The following GRIA4 variants were observed in gnomAD, a reference collection of about 807,000 sequenced individuals.
The protein encoded by GRIA4 is glutamate receptor 4.
A neutral mutation model predicts 104.0 loss-of-function variants in GRIA4; 34 were observed. The observed-to-expected ratio is 0.33, with a 90% CI of 0.25 to 0.44. The LOEUF (loss-of-function observed/expected upper bound fraction) is 0.44, where lower values mean the gene tolerates loss of function less well. GRIA4 is among the 20% of genes least tolerant of loss of function. GRIA4 has a pLI of 1.00. For missense variants in GRIA4, 750 were observed against 1,096.5 expected (o/e 0.68, Z 4.46); for synonymous variants, 386 against 381.9 (o/e 1.01, Z -0.13).
At chr11:105,912,451 T>C (rs1318135076) in intron 10 of GRIA4, 1 of 962,120 alleles carries the variant, frequency 1.0e-6, no homozygotes, top group Non-Finnish European at 1.2e-6. Flanking sequence ...TTTGCAAGCA[T>C]GGCTAGTTTT....
intron 4 of GRIA4, among the ~76,000 whole-genome samples, chr11:105,846,336 A>G (rs957604783): frequency 6.6e-6 from 1 of 152,196 alleles, no homozygotes; most frequent in Admixed American, 6.5e-5. Flanking sequence ...GGAAGAAGTG[A>G]GGAGGAAGAG....
chr11:105,824,195 G>C (rs61900358), intron 4 of GRIA4, among the ~76,000 whole-genome samples: 25,890 of 151,986 alleles, frequency 0.17, 2,579 homozygotes, highest in African/African-American at 0.27. Flanking sequence ...TAGGCATATA[G>C]TTTTAAAAGT....
intron 3 of GRIA4, among the ~76,000 whole-genome samples, chr11:105,715,069 A>C (rs1203828554): frequency 2.6e-5 from 4 of 152,194 alleles, no homozygotes; most frequent in Non-Finnish European, 5.9e-5. Context: ...TGAAAAAAAC[A>C]GCGATTATAT....
At chr11:105,711,217 C>T (rs1591118774) in intron 3 of GRIA4, among the ~76,000 whole-genome samples, 2 of 151,822 alleles carry the variant, frequency 1.3e-5, no homozygotes, top group African/African-American at 4.8e-5. Context: ...AAAATTATTC[C>T]TGGTGTATGA....
chr11:105,651,483 AG>A (rs1489361040), intron 3 of GRIA4, among the ~76,000 whole-genome samples: 4 of 152,146 alleles, frequency 2.6e-5, no homozygotes, highest in African/African-American at 9.6e-5. Context: ...CATTTTTTAG[AG>A]AAAACTTTTC....
At chr11:105,903,085 G>A (rs1330469943) in intron 7 of GRIA4, among the ~76,000 whole-genome samples, 2 of 152,252 alleles carry the variant, frequency 1.3e-5, no homozygotes, top group South Asian at 4.2e-4. Flanking sequence ...TTCTCAAAGA[G>A]AAGCAGATGG....
chr11:105,637,706 C>G (rs1951244440), intron 3 of GRIA4, among the ~76,000 whole-genome samples: 1 of 152,046 alleles, frequency 6.6e-6, no homozygotes, highest in Non-Finnish European at 1.5e-5. Context: ...AATTTCCAAG[C>G]CAGGAGAATA....
chr11:105,652,770 G>T (rs1208976503), intron 3 of GRIA4, among the ~76,000 whole-genome samples: 1 of 152,094 alleles, frequency 6.6e-6, no homozygotes, highest in Non-Finnish European at 1.5e-5. Context: ...ACCTGCAGTG[G>T]ATGCCTACAG....
At chr11:105,860,232 G>T (rs770956831) in intron 4 of GRIA4, among the ~76,000 whole-genome samples, 1 of 151,996 alleles carries the variant, frequency 6.6e-6, no homozygotes, top group Non-Finnish European at 1.5e-5. Context: ...TTTCAAATAT[G>T]ATCTCATCAT....
intron 4 of GRIA4, among the ~76,000 whole-genome samples, chr11:105,777,782 CA>C (rs1941515829): frequency 6.6e-6 from 1 of 152,098 alleles, no homozygotes; most frequent in African/African-American, 2.4e-5. Context: ...AATAGATGCA[CA>C]ATAACAACCA....
chr11:105,724,086 C>T (rs1228170561), intron 3 of GRIA4, among the ~76,000 whole-genome samples: 1 of 151,908 alleles, frequency 6.6e-6, no homozygotes. Flanking sequence ...CATATGACGT[C>T]TATAGAGAAC....
chr11:105,846,925 T>C (rs1944618365), intron 4 of GRIA4, among the ~76,000 whole-genome samples: 1 of 152,224 alleles, frequency 6.6e-6, no homozygotes, highest in South Asian at 2.1e-4. Context: ...AACCCAATTC[T>C]GCAGGTGAGG....
At chr11:105,766,746 G>A (rs114980084) in intron 4 of GRIA4, among the ~76,000 whole-genome samples, 2,846 of 152,102 alleles carry the variant, frequency 0.019, 79 homozygotes, top group African/African-American at 0.064. Context: ...CTCATTCAGT[G>A]TAAAATCAAA....
intron 14 of GRIA4, among the ~76,000 whole-genome samples, chr11:105,951,558 G>C (rs537803669): frequency 3.2e-4 from 48 of 152,080 alleles, no homozygotes; most frequent in Admixed American, 9.8e-4. Flanking sequence ...AACACCCCAA[G>C]GCCACCACAA....
intron 3 of GRIA4, among the ~76,000 whole-genome samples, chr11:105,618,933 A>C (rs1272212): frequency 6.6e-6 from 1 of 152,014 alleles, no homozygotes; most frequent in Non-Finnish European, 1.5e-5. Flanking sequence ...CATAGAAGCC[A>C]AAAGATAGGG....
intron 4 of GRIA4, among the ~76,000 whole-genome samples, chr11:105,809,474 T>C (rs972610216): frequency 4.6e-5 from 7 of 152,188 alleles, no homozygotes; most frequent in South Asian, 2.1e-4. Flanking sequence ...CACTCAAATC[T>C]CATCTCGAAT....
intron 14 of GRIA4, among the ~76,000 whole-genome samples, chr11:105,959,516 G>A (rs1452526914): frequency 2.0e-5 from 3 of 152,082 alleles, no homozygotes; most frequent in Non-Finnish European, 2.9e-5. Flanking sequence ...CCTTTATCAA[G>A]GTTCTTAGCT....
Position 105,753,159 on chromosome 11 carries a change from CTTGAGT to C in GRIA4, c.430_435del (p.Ser144_Leu145del). ...TAAGACCTTCGTTACGAGGAGCACT[CTTGAGT>C]TTGCTGGATCACTACGAATGGAACT... On this transcript the variant is annotated inframe_deletion, in exon 4 of 17. Coordinates refer to ENST00000282499, the MANE Select transcript of GRIA4 (RefSeq NM_000829.4). 1.2e-6 allele frequency: 2 copies of C among 1,613,646 alleles called. No individual in the cohort carries two copies. The highest frequency in any genetic ancestry group is 1.7e-6 in the Non-Finnish European group (2 of 1,179,640).
intron 4 of GRIA4, among the ~76,000 whole-genome samples, chr11:105,779,536 T>C (rs1454842752): frequency 6.6e-6 from 1 of 152,150 alleles, no homozygotes. Context: ...TTGCGATAGT[T>C]TACCGAGTTA....
Sources: allele counts gnomAD v4.1 joint callset (sites outside exome capture counted in the v4.1 genomes callset), GRCh38; gene constraint gnomAD v4.1.1; transcripts MANE v1.5; gene names NCBI Gene and HGNC (gene_info 2026-07-23, HGNC 2026-07-21).